PLA2G4F: variants seen among roughly 807,000 people sequenced by gnomAD.
PLA2G4F encodes cytosolic phospholipase A2 zeta.
In PLA2G4F, 105 loss-of-function variants were observed where a neutral mutation model predicts 103.1. The ratio of observed to expected loss-of-function variants is 1.02; its 90% CI spans 0.87 to 1.20. PLA2G4F has a LOEUF of 1.20. PLA2G4F is among the 50% of genes most tolerant of loss of function. PLA2G4F has a pLI of 0.00. For synonymous variants in PLA2G4F, 468 were observed against 441.1 expected (o/e 1.06, Z -0.76); for missense variants, 1,155 against 1,075.9 (o/e 1.07, Z -1.03).
At position 42,140,092 on chromosome 15, in the gene PLA2G4F, A is replaced by C. The variant is rs2048815752; in HGVS notation, c.*1892T>G. 6.6e-6 allele frequency: 1 copy of C among 152,208 alleles called. No homozygotes were observed. The highest frequency in any genetic ancestry group is 2.4e-5 in the African/African-American group (1 of 41,456). 9.4% of individuals were successfully genotyped at this position (152,208 alleles called of 1,614,324 possible). ...TGTGGTTTATATCAGCTCTTCAAAAAGTCCACATGGGTTAGGAATCATGAA... is the reference window on the plus strand; with the variant it reads ...TGTGGTTTATATCAGCTCTTCAAAACGTCCACATGGGTTAGGAATCATGAA... On this transcript the variant is annotated 3_prime_UTR_variant, in exon 20 of 20. Coordinates refer to ENST00000397272, the MANE Select transcript of PLA2G4F (RefSeq NM_213600.4).
rs553855821 is a variant in PLA2G4F at position 42,155,209 on chromosome 15, TCA to T, written c.184+306_184+307del. Among the ~76,000 whole-genome samples the T allele has an allele frequency of 1.4e-3, 216 of 151,298 alleles. 1 individual carries two copies. The highest frequency in any genetic ancestry group is 5.0e-3 in the African/African-American group (205 of 41,128). On this transcript the variant is annotated intron_variant, in intron 2 of 19. Coordinates refer to ENST00000397272, the MANE Select transcript of PLA2G4F (RefSeq NM_213600.4). ...TACACACTCGCAGTCACATTTGCAC[TCA>T]CACACTCGCTCACACTTGCACGCAT... is the stretch of plus-strand genomic sequence containing the variant.
intron 16 of PLA2G4F, among the ~76,000 whole-genome samples, chr15:42,145,174 G>A (rs1595617581): frequency 6.6e-6 from 1 of 152,230 alleles, no homozygotes; most frequent in African/African-American, 2.4e-5. Context: ...GAGGGATGGA[G>A]TGGAAAAGGG....
intron 1 of PLA2G4F, 38 bp from the exon 2 acceptor site, chr15:42,155,627 G>A (rs768232911): frequency 6.3e-7 from 1 of 1,593,646 alleles, no homozygotes; most frequent in Non-Finnish European, 8.6e-7. Flanking sequence ...GTCAGCTAGT[G>A]TGAGCCTGGT....
At position 42,144,080 on chromosome 15, in the gene PLA2G4F, G is replaced by A. The variant is rs193091769; in HGVS notation, c.2040C>T (p.Asp680=). The change falls in exon 18 of 20, where the codon GAC becomes GAT. Residue 680 remains aspartate, a synonymous_variant. Coordinates refer to ENST00000397272, the MANE Select transcript of PLA2G4F (RefSeq NM_213600.4). ...TPMRDCLYLV[D]GGFAINSPFP... ...ACGGAGAGTTGATGGCAAAGCCTCC[G>A]TCCACCAGGTACAGGCAGTCCCGCA... 42 of 1,614,090 alleles carry A rather than the reference G, an allele frequency of 2.6e-5. No individual in the cohort carries two copies. Among genetic ancestry groups the A allele is most frequent in the East Asian group, 1.3e-4 (6 of 44,882 alleles).
intron 19 of PLA2G4F, 143 bp from the exon 20 acceptor site, chr15:42,142,347 C>A: frequency 1.7e-6 from 2 of 1,155,392 alleles, no homozygotes; most frequent in African/African-American, 1.6e-5. Context: ...TCTCAGACCC[C>A]CCAGGAGGGG....
At position 42,147,346 on chromosome 15, in the gene PLA2G4F, C is replaced by T. The variant is rs768394948; in HGVS notation, c.1197G>A (p.Trp399Ter). 3 of 1,604,882 alleles carry T rather than the reference C, an allele frequency of 1.9e-6. No individual in the cohort carries two copies. The South Asian group carries it at 3.3e-5, about 18-fold the overall frequency. The change falls in exon 13 of 20, where the codon TGG becomes TGA. Residue 399 changes from tryptophan to a stop codon, truncating the protein, a stop_gained and splice_region_variant. Transcript: ENST00000397272. LOFTEE classifies it high-confidence loss of function. ...GGTCCCTGTAGAGTGTGGAGATGCA[C>T]CTGGGGATTGGAGGTGTGCCTGAGT... ...TYLSGVSGST[W>*]CISTLYRDPA...
At chr15:42,142,239 G>A in intron 19 of PLA2G4F, 35 bp from the exon 20 acceptor site, 1 of 1,565,566 alleles carries the variant, frequency 6.4e-7, no homozygotes, top group Non-Finnish European at 8.7e-7. Flanking sequence ...AGGCCAGGAT[G>A]GAGCCCTCTG....
At chr15:42,149,426 C>T (rs1032560259) in intron 11 of PLA2G4F, 1 of 916,494 alleles carries the variant, frequency 1.1e-6, no homozygotes, top group South Asian at 5.1e-5. Flanking sequence ...ATGATGACAC[C>T]TTCATCTCGG....
chr15:42,151,534 G>A, intron 7 of PLA2G4F: 1 of 985,334 alleles, frequency 1.0e-6, no homozygotes, highest in African/African-American at 1.7e-5. Context: ...CAACATGGAA[G>A]CAACAGAGAC....
intron 18 of PLA2G4F, among the ~76,000 whole-genome samples, chr15:42,143,176 TAAAAAAA>T (rs56171986): frequency 0.013 from 1,170 of 89,590 alleles, 16 homozygotes; most frequent in Middle Eastern, 0.022. Context: ...AGACTCCATC[TAAAAAAA>T]AAAAAAAAAA....
At chr15:42,152,068 C>A (rs1468354940) in intron 7 of PLA2G4F, among the ~76,000 whole-genome samples, 1 of 152,208 alleles carries the variant, frequency 6.6e-6, no homozygotes, top group East Asian at 1.9e-4. Context: ...TCTGGACTTC[C>A]CTGCCTGGGT....
In PLA2G4F at chr15:42,144,574, G is replaced by T; in HGVS notation, c.1851C>A (p.Pro617=). Residue 617 remains proline (P), a synonymous_variant, in exon 17 of 20, where the codon CCC becomes CCA. Transcript: ENST00000397272. Reference sequence around the variant, plus strand: ...ATATGTCCAGCACAGCCTGGGAGAAGGGCCCCTGTGGGGTGAGGAGCCTCG... The same window carrying T: ...ATATGTCCAGCACAGCCTGGGAGAATGGCCCCTGTGGGGTGAGGAGCCTCG... ...LRTRLLTPQG[P]FSQAVLDIFT... is the part of the protein sequence containing the mutation. 6.2e-7 allele frequency: 1 copy of T among 1,613,332 alleles called. No individual in the cohort carries two copies. Among genetic ancestry groups the T allele is most frequent in the South Asian group, 1.1e-5 (1 of 91,030 alleles).
intron 11 of PLA2G4F, chr15:42,149,103 A>G (rs1595621268): frequency 1.0e-6 from 1 of 985,358 alleles, no homozygotes; most frequent in African/African-American, 1.7e-5. Flanking sequence ...CTATACCCAG[A>G]GGATCCCAGG....
At chr15:42,151,884 G>C (rs973941626) in intron 7 of PLA2G4F, among the ~76,000 whole-genome samples, 3 of 152,312 alleles carry the variant, frequency 2.0e-5, no homozygotes, top group South Asian at 2.1e-4. Context: ...GATACTGATT[G>C]TGCCTGCTTT....
chr15:42,155,662 C>T, intron 1 of PLA2G4F, 73 bp from the exon 2 acceptor site: 1 of 1,477,904 alleles, frequency 6.8e-7, no homozygotes, highest in South Asian at 1.2e-5. Flanking sequence ...TTCCCCTCGT[C>T]CCATCATGGA....
rs148007024 is a variant in PLA2G4F at position 42,144,619 on chromosome 15, G to A, written c.1806C>T (p.His602=). 3 of 1,604,148 alleles carry A rather than the reference G, an allele frequency of 1.9e-6. No homozygotes were observed. The highest frequency in any genetic ancestry group is 1.7e-4 in the Middle Eastern group (1 of 5,892). ...ITDDCQKPQL[H]NPSRLRTRLL... ...GCCTCGTTCGCAGCCTCGAGGGGTTGTGCAGCTGAGGCTTCTGGCAGTCGT... is the reference window on the plus strand; with the variant it reads ...GCCTCGTTCGCAGCCTCGAGGGGTTATGCAGCTGAGGCTTCTGGCAGTCGT... Residue 602 remains histidine, a synonymous_variant, in exon 17 of 20, where the codon CAC becomes CAT. Coordinates refer to ENST00000397272, the MANE Select transcript of PLA2G4F (RefSeq NM_213600.4).
chr15:42,150,573 G>C (rs1276471666), intron 8 of PLA2G4F, 35 bp downstream of exon 8: 1 of 1,596,868 alleles, frequency 6.3e-7, no homozygotes, highest in Non-Finnish European at 8.5e-7. Flanking sequence ...TCTGGGCTGA[G>C]TTGGATCTAC....
chr15:42,142,736 ACT>A (rs761600833), intron 18 of PLA2G4F, 22 bp from the exon 19 acceptor site: 14 of 1,612,000 alleles, frequency 8.7e-6, no homozygotes, highest in Non-Finnish European at 1.2e-5. Flanking sequence ...CAAGCCTCTG[ACT>A]CTGCCTTTCC....
chr15:42,142,101 G>A lies in PLA2G4F; in HGVS notation c.2433C>T (p.Asp811=). The A allele has an allele frequency of 1.2e-6, 2 of 1,614,228 alleles. No homozygotes were observed. The highest frequency in any genetic ancestry group is 1.1e-5 in the South Asian group (1 of 91,090). ...GACTGAGGGCCACCAGCCGATAAAAGTCCTGGGGCTCATAGGTGAAGTTCA... is the reference window on the plus strand; with the variant it reads ...GACTGAGGGCCACCAGCCGATAAAAATCCTGGGGCTCATAGGTGAAGTTCA... ...GMMNFTYEPQ[D]FYRLVALSRY... Residue 811 remains aspartate, a synonymous_variant, in exon 20 of 20, where the codon GAC becomes GAT. Transcript: ENST00000397272.
Sources: gnomAD v4.1 joint callset for allele counts (sites outside exome capture counted in the v4.1 genomes callset) on GRCh38, gnomAD v4.1.1 for gene constraint, MANE v1.5 for transcripts, NCBI Gene and HGNC (gene_info 2026-07-23, HGNC 2026-07-21) for gene names.